The following AGFG1 variants were observed in gnomAD, a reference collection of about 807,000 sequenced individuals.
The protein encoded by AGFG1 is arf-GAP domain and FG repeat-containing protein 1.
AGFG1 carries 10 observed loss-of-function variants against 60.6 expected under a neutral mutation model. That is an observed-to-expected ratio of 0.16 (90% CI 0.10 to 0.28). The LOEUF (loss-of-function observed/expected upper bound fraction) is 0.28. AGFG1 is among the 10% of genes least tolerant of loss of function. The probability of loss-of-function intolerance (pLI) is 1.00; values close to 1 mark genes in which losing one functional copy is unlikely to be tolerated. For missense variants in AGFG1, 537 were observed against 676.5 expected (o/e 0.79, Z 2.29); for synonymous variants, 247 against 242.9 (o/e 1.02, Z -0.16).
intron 10 of AGFG1, among the ~76,000 whole-genome samples, chr2:227,547,442 A>G (rs570523784): frequency 1.7e-4 from 26 of 152,348 alleles, no homozygotes; most frequent in South Asian, 4.1e-4. Context: ...ATTGTTGCCA[A>G]TGTGGTAATC....
chr2:227,488,478 A>C (rs1690705251), intron 1 of AGFG1, among the ~76,000 whole-genome samples: 1 of 152,222 alleles, frequency 6.6e-6, no homozygotes, highest in Non-Finnish European at 1.5e-5. Flanking sequence ...CTCATCAGAA[A>C]GTTACTCCTT....
intron 10 of AGFG1, among the ~76,000 whole-genome samples, chr2:227,541,352 A>G (rs1016797915): frequency 1.3e-5 from 2 of 152,214 alleles, no homozygotes; most frequent in African/African-American, 2.4e-5. Context: ...TCTTTAATCC[A>G]TCTTGAATTA....
intron 2 of AGFG1, among the ~76,000 whole-genome samples, chr2:227,497,506 A>C (rs1691008482): frequency 6.6e-6 from 1 of 152,056 alleles, no homozygotes; most frequent in Non-Finnish European, 1.5e-5. Context: ...TATACCTCAG[A>C]TACTAACACC....
Position 227,472,502 on chromosome 2 carries a change from A to G in AGFG1, c.81A>G (p.Arg27=), listed in dbSNP as rs1690122212. The G allele has an allele frequency of 6.3e-7, 1 of 1,582,244 alleles. No individual in the cohort carries two copies. Reference sequence around the variant, plus strand: ...ACATGACCGGCCTCCCGCACAACCGAAAGTGCTTCGACTGCGACCAGCGCG... The same window carrying G: ...ACATGACCGGCCTCCCGCACAACCGGAAGTGCTTCGACTGCGACCAGCGCG... ...LRDMTGLPHN[R]KCFDCDQRGP... Residue 27 remains arginine, a synonymous_variant, in exon 1 of 13, where the codon CGA becomes CGG. Coordinates refer to ENST00000310078, the MANE Select transcript of AGFG1 (RefSeq NM_004504.5).
intron 8 of AGFG1, among the ~76,000 whole-genome samples, chr2:227,535,988 GA>G (rs1175527980): frequency 6.6e-6 from 1 of 152,018 alleles, no homozygotes; most frequent in Non-Finnish European, 1.5e-5. Flanking sequence ...TTGATGGTGT[GA>G]AAACAATGGC....
At chr2:227,477,668 C>T (rs370216063) in intron 1 of AGFG1, among the ~76,000 whole-genome samples, 3 of 151,850 alleles carry the variant, frequency 2.0e-5, no homozygotes, top group Admixed American at 6.6e-5. Context: ...TGCAGTGGTG[C>T]GATCTCACCT....
chr2:227,503,286 T>C (rs1691214691), intron 2 of AGFG1, among the ~76,000 whole-genome samples: 1 of 151,904 alleles, frequency 6.6e-6, no homozygotes, highest in Non-Finnish European at 1.5e-5. Context: ...GGTTATATGC[T>C]CTCTATTATA....
chr2:227,488,170 T>G (rs960531923), intron 1 of AGFG1, among the ~76,000 whole-genome samples: 2 of 152,230 alleles, frequency 1.3e-5, no homozygotes, highest in African/African-American at 4.8e-5. Flanking sequence ...CTTTCCACAT[T>G]TGGTTATGAG....
At chr2:227,521,580 T>C (rs956188921) in intron 3 of AGFG1, among the ~76,000 whole-genome samples, 3 of 152,254 alleles carry the variant, frequency 2.0e-5, no homozygotes, top group African/African-American at 7.2e-5. Context: ...ATTTTGGTTC[T>C]GAATTTCCTA....
At chr2:227,490,607 T>C (rs917202187) in intron 1 of AGFG1, among the ~76,000 whole-genome samples, 3 of 151,332 alleles carry the variant, frequency 2.0e-5, no homozygotes, top group Admixed American at 6.6e-5. Flanking sequence ...ACTGCAGTAA[T>C]TGCTGTAGAA....
chr2:227,550,955 G>C (rs1379573621), intron 10 of AGFG1, among the ~76,000 whole-genome samples: 2 of 152,044 alleles, frequency 1.3e-5, no homozygotes, highest in Non-Finnish European at 2.9e-5. Context: ...ATTTTACTGA[G>C]ACCCTTCCTA....
At chr2:227,525,600 C>T (rs932024447) in intron 5 of AGFG1, among the ~76,000 whole-genome samples, 1 of 152,202 alleles carries the variant, frequency 6.6e-6, no homozygotes, top group African/African-American at 2.4e-5. Context: ...TGTATTCCTT[C>T]TTTTTCCTCC....
intron 10 of AGFG1, among the ~76,000 whole-genome samples, chr2:227,543,950 G>T (rs1692567322): frequency 6.6e-6 from 1 of 151,978 alleles, no homozygotes; most frequent in Non-Finnish European, 1.5e-5. Flanking sequence ...TGTCTCTTTT[G>T]ATCTTTGTTG....
intron 1 of AGFG1, among the ~76,000 whole-genome samples, chr2:227,475,294 T>G (rs1353325260): frequency 6.6e-6 from 1 of 152,232 alleles, no homozygotes; most frequent in Non-Finnish European, 1.5e-5. Context: ...TCCAATACTT[T>G]CAGAAGTTCT....
chr2:227,532,583 A>G (rs1692194666), intron 6 of AGFG1, among the ~76,000 whole-genome samples: 1 of 152,182 alleles, frequency 6.6e-6, no homozygotes, highest in South Asian at 2.1e-4. Flanking sequence ...TTTAGAATGT[A>G]TAAAAACCTG....
At position 227,535,030 on chromosome 2, in the gene AGFG1, C is replaced by G; in HGVS notation, c.1205+5C>G. On this transcript the variant is annotated splice_donor_5th_base_variant and intron_variant, in intron 8 of 12. Coordinates refer to ENST00000310078, the MANE Select transcript of AGFG1 (RefSeq NM_004504.5). ...TTCCACAAGTAATGCTAGCAGGTAC[C>G]TTGTCTTAGCTAGCCCTCCTGCTTT... The G allele has an allele frequency of 1.3e-6, 2 of 1,588,930 alleles. No homozygotes were observed. Among genetic ancestry groups the G allele is most frequent in the Non-Finnish European group, 1.7e-6 (2 of 1,165,756 alleles).
Position 227,537,004 on chromosome 2 carries a change from G to C in AGFG1, c.1378+11G>C, listed in dbSNP as rs757542766. 5 of 1,607,900 alleles carry C rather than the reference G, an allele frequency of 3.1e-6. No homozygotes were observed. In the African/African-American group the frequency reaches 6.7e-5, roughly 22 times the overall value. ...CCAGAGGAGCAACAGGTAAGAAAAA[G>C]AGACAGTGGAACAGTAAGTTTTGGG... On this transcript the variant is annotated intron_variant, in intron 10 of 12. Transcript: ENST00000310078.
At position 227,550,865 on chromosome 2, in the gene AGFG1, T is replaced by C. The variant is rs887452238; in HGVS notation, c.1379-1094T>C. Among the ~76,000 whole-genome samples the C allele has an allele frequency of 4.6e-5, 7 of 152,358 alleles. No individual in the cohort carries two copies. The East Asian group carries it at 1.3e-3, about 29-fold the overall frequency. On this transcript the variant is annotated intron_variant, in intron 10 of 12. Coordinates refer to ENST00000310078, the MANE Select transcript of AGFG1 (RefSeq NM_004504.5). Reference sequence around the variant, plus strand: ...CAGGAAATTTAGTGAATTTTCATGGTATTTTGATTGCATCATGCTAAGAAT... The same window carrying C: ...CAGGAAATTTAGTGAATTTTCATGGCATTTTGATTGCATCATGCTAAGAAT...
At chr2:227,508,556 A>G (rs1011997190) in intron 2 of AGFG1, 1 of 464,542 alleles carries the variant, frequency 2.2e-6, no homozygotes, top group African/African-American at 2.0e-5. Context: ...GGGAGGCAAG[A>G]ACACACCTTT....
Sources: gnomAD v4.1 joint callset for allele counts (sites outside exome capture counted in the v4.1 genomes callset) on GRCh38, gnomAD v4.1.1 for gene constraint, MANE v1.5 for transcripts, NCBI Gene and HGNC (gene_info 2026-07-23, HGNC 2026-07-21) for gene names.